TOPAZ1: variants seen among roughly 807,000 people sequenced by gnomAD.
TOPAZ1 encodes the protein testis and ovary specific TOPAZ 1, also known as protein TOPAZ1.
A neutral mutation model predicts 172.2 loss-of-function variants in TOPAZ1; 66 were observed. That is an observed-to-expected ratio of 0.38 (90% CI 0.31 to 0.47). The LOEUF (loss-of-function observed/expected upper bound fraction) is 0.47. Ranked by LOEUF, TOPAZ1 falls within the 20% of genes least tolerant of loss-of-function variation. TOPAZ1 has a pLI of 0.99. For synonymous variants in TOPAZ1, 681 were observed against 683.9 expected (o/e 1.00, Z 0.07); for missense variants, 1,822 against 1,972.4 (o/e 0.92, Z 1.44).
chr3:44,336,307 T>C (rs1700725852), downstream of TOPAZ1, among the ~76,000 whole-genome samples: 1 of 152,224 alleles, frequency 6.6e-6, no homozygotes, highest in African/African-American at 2.4e-5. Context: ...TAGCCTTTCA[T>C]TTTACAAGGG....
chr3:44,244,568 A>T lies in TOPAZ1; in HGVS notation c.2062A>T (p.Lys688Ter). The T allele has an allele frequency of 6.5e-7, 1 of 1,549,424 alleles. No homozygotes were observed. The highest frequency in any genetic ancestry group is 8.7e-7 in the Non-Finnish European group (1 of 1,146,478). ...GAACACAGGACGGCTGACTAATTTT[A>T]AAATTCCTTTACTTAAGAATAAATC... Reference protein sequence around the residue: ...ILNTGRLTNFKIPLLKNKSEK... With the variant: ...ILNTGRLTNF The change falls in exon 2 of 20, where the codon AAA becomes TAA. Residue 688 changes from lysine to a stop codon, truncating the protein, a stop_gained. Coordinates refer to ENST00000309765, the MANE Select transcript of TOPAZ1 (RefSeq NM_001145030.2). LOFTEE classifies it high-confidence loss of function.
At chr3:44,326,588 T>C (rs1700603380) in intron 18 of TOPAZ1, among the ~76,000 whole-genome samples, 1 of 152,204 alleles carries the variant, frequency 6.6e-6, no homozygotes, top group Non-Finnish European at 1.5e-5. Flanking sequence ...GTCAGATATA[T>C]GAATTACAAA....
rs897822592 is a variant in TOPAZ1, at chr3:44,241,928, G to A, written c.-126G>A. On this transcript the variant is annotated 5_prime_UTR_variant, in exon 1 of 20. It adds an upstream start codon to the 5' untranslated region. Coordinates refer to ENST00000309765, the MANE Select transcript of TOPAZ1 (RefSeq NM_001145030.2). Reference sequence around the variant, plus strand: ...CCACTTCCGCTTCCGGCCCCGGGCTGTGGTGACTGGCGGTGTGGGGTGGGT... The same window carrying A: ...CCACTTCCGCTTCCGGCCCCGGGCTATGGTGACTGGCGGTGTGGGGTGGGT... 1.6e-5 allele frequency: 15 copies of A among 915,514 alleles called. No individual in the cohort carries two copies. Among genetic ancestry groups the A allele is most frequent in the Middle Eastern group, 6.7e-4 (2 of 2,978 alleles). 56.7% of individuals were successfully genotyped at this position (915,514 alleles called of 1,614,324 possible). A position where few individuals can be genotyped will look rare whatever the true frequency, so the allele number is the denominator to read the frequency against.
rs1202483110 is a variant in TOPAZ1, at chr3:44,267,049, C to T, written c.3073C>T (p.Pro1025Ser). 1 of 1,549,796 alleles carries T rather than the reference C, an allele frequency of 6.5e-7. No individual in the cohort carries two copies. Among genetic ancestry groups the T allele is most frequent in the Non-Finnish European group, 8.7e-7 (1 of 1,146,194 alleles). ...FMVGECQFAV[P>S]VPKPLCLLVP... is the part of the protein sequence containing the mutation. ...GGTCGGCGAATGTCAATTTGCAGTACCAGTCCCGAAACCTCTGTGTTTATT... is the reference window on the plus strand; with the variant it reads ...GGTCGGCGAATGTCAATTTGCAGTATCAGTCCCGAAACCTCTGTGTTTATT... Residue 1025 changes from proline to serine, a missense_variant, in exon 6 of 20, where the codon CCA becomes TCA. By Grantham distance (74) the Pro-to-Ser change is moderately conservative (BLOSUM62 -1). Transcript: ENST00000309765.
At chr3:44,275,012 G>A (rs1365805761) in intron 8 of TOPAZ1, among the ~76,000 whole-genome samples, 3 of 150,754 alleles carry the variant, frequency 2.0e-5, no homozygotes, top group African/African-American at 7.4e-5. Context: ...TATGCATGTG[G>A]CAAAATATCC....
chr3:44,280,535 T>C (rs1480665231), intron 8 of TOPAZ1, among the ~76,000 whole-genome samples: 3 of 151,346 alleles, frequency 2.0e-5, no homozygotes, highest in Non-Finnish European at 4.4e-5. Flanking sequence ...TTTAGTAGAG[T>C]TGAGATTTCA....
chr3:44,258,301 A>G (rs1449428994), intron 4 of TOPAZ1, among the ~76,000 whole-genome samples: 2 of 152,186 alleles, frequency 1.3e-5, no homozygotes, highest in African/African-American at 4.8e-5. Flanking sequence ...CCCTTTACCT[A>G]GTTTCTCCCA....
chr3:44,323,908 T>G (rs1295206126), intron 18 of TOPAZ1, among the ~76,000 whole-genome samples: 1 of 152,226 alleles, frequency 6.6e-6, no homozygotes, highest in East Asian at 1.9e-4. Context: ...GTTCTAGATC[T>G]AGAAAAGCAT....
downstream of TOPAZ1, among the ~76,000 whole-genome samples, chr3:44,335,811 T>C (rs550935321): frequency 6.6e-6 from 1 of 152,322 alleles, no homozygotes; most frequent in East Asian, 1.9e-4. Flanking sequence ...TAGTCCAGTA[T>C]AGAGACTGTT....
Position 44,304,065 on chromosome 3 carries a change from C to A in TOPAZ1, c.3848C>A (p.Ala1283Asp). ...AACTGGAAGTGTGATTTAGATTCAG[C>A]CTTGAATAAATTAGAGGTATGACAT... ...KKNWKCDLDS[A>D]LNKLEHCKEK... The change falls in exon 13 of 20, where the codon GCC (alanine) becomes GAC (aspartate). Residue 1283 changes from alanine (A) to aspartate (D), a missense_variant. Coordinates refer to ENST00000309765, the MANE Select transcript of TOPAZ1 (RefSeq NM_001145030.2). 1 of 1,531,228 alleles carries A rather than the reference C, an allele frequency of 6.5e-7. No individual in the cohort carries two copies. Among genetic ancestry groups the A allele is most frequent in the Non-Finnish European group, 8.8e-7 (1 of 1,130,850 alleles). 94.9% of individuals were successfully genotyped at this position (1,531,228 alleles called of 1,614,324 possible).
rs1700217124 is a variant in TOPAZ1 at position 44,297,844 on chromosome 3, C to T, written c.3798-6171C>T. On this transcript the variant is annotated intron_variant, in intron 12 of 19. Coordinates refer to ENST00000309765, the MANE Select transcript of TOPAZ1 (RefSeq NM_001145030.2). ...CAACCATATTTCTATATACTGAAAA[C>T]GAACTGGGGAAACCAGCATTTAAAA... Among the ~76,000 whole-genome samples the T allele has an allele frequency of 3.3e-5, 5 of 151,218 alleles. No homozygotes were observed. The South Asian group carries it at 1.0e-3, about 32-fold the overall frequency.
At position 44,295,426 on chromosome 3, in the gene TOPAZ1, G is replaced by A. The variant is rs1007125798; in HGVS notation, c.3797+4540G>A. ...AGAGTGATATCCATATACTGTTTGT[G>A]TAAATGTTATAAATACACTAATTAA... On this transcript the variant is annotated intron_variant, in intron 12 of 19. Coordinates refer to ENST00000309765, the MANE Select transcript of TOPAZ1 (RefSeq NM_001145030.2). 5.9e-5 allele frequency among the ~76,000 whole-genome samples: 9 copies of A among 152,124 alleles called. No individual in the cohort carries two copies. In the South Asian group the frequency reaches 6.2e-4, roughly 10 times the overall value.
In TOPAZ1 at chr3:44,260,603, G is replaced by A. The variant is rs149715535; in HGVS notation, c.2956-1816G>A. 6.0e-4 allele frequency among the ~76,000 whole-genome samples: 91 copies of A among 151,914 alleles called. 1 individual carries two copies. In the East Asian group the frequency reaches 0.016, roughly 27 times the overall value. On this transcript the variant is annotated intron_variant, in intron 4 of 19. Coordinates refer to ENST00000309765, the MANE Select transcript of TOPAZ1 (RefSeq NM_001145030.2). ...TAACTTTTCCTTATTTTAGCAGATG[G>A]CATTTTGTACTCTTTATTCTCTTAA...
At chr3:44,249,198 A>G (rs140181757) in intron 2 of TOPAZ1, among the ~76,000 whole-genome samples, 1 of 151,992 alleles carries the variant, frequency 6.6e-6, no homozygotes, top group Non-Finnish European at 1.5e-5. Flanking sequence ...TTGAGATTTT[A>G]AGAGTCTGCC....
intron 2 of TOPAZ1, among the ~76,000 whole-genome samples, chr3:44,251,139 G>A (rs1356370659): frequency 1.3e-5 from 2 of 151,944 alleles, no homozygotes; most frequent in Admixed American, 1.3e-4. Flanking sequence ...TTCTTTGAGA[G>A]AGAAAGGGTC....
At chr3:44,324,091 A>G (rs76451065) in intron 18 of TOPAZ1, among the ~76,000 whole-genome samples, 3,149 of 152,342 alleles carry the variant, frequency 0.021, 62 homozygotes, top group South Asian at 0.059. Flanking sequence ...GCTGTGATCA[A>G]TGCAGCAGGT....
intron 2 of TOPAZ1, among the ~76,000 whole-genome samples, chr3:44,245,485 A>C (rs1447496612): frequency 1.3e-5 from 2 of 151,074 alleles, no homozygotes; most frequent in Middle Eastern, 3.5e-3. Flanking sequence ...GTATCTTGGA[A>C]GATAGAAAAG....
intron 16 of TOPAZ1, among the ~76,000 whole-genome samples, chr3:44,312,221 A>G (rs1208125558): frequency 6.8e-6 from 1 of 147,658 alleles, no homozygotes; most frequent in Non-Finnish European, 1.5e-5. Context: ...TTCAAGACCT[A>G]TTGCAAAGCC....
chr3:44,320,826 ATTTG>A (rs1487650620), intron 16 of TOPAZ1, among the ~76,000 whole-genome samples, 197 bp from the exon 17 acceptor site: 8 of 152,120 alleles, frequency 5.3e-5, no homozygotes, highest in Admixed American at 2.6e-4. Flanking sequence ...CAAAGTGGCC[ATTTG>A]TTTGCATCTT....
Sources: gnomAD v4.1 joint callset for allele counts (sites outside exome capture counted in the v4.1 genomes callset) on GRCh38, gnomAD v4.1.1 for gene constraint, MANE v1.5 for transcripts, NCBI Gene and HGNC (gene_info 2026-07-23, HGNC 2026-07-21) for gene names.